Variants in SLIT3 observed in about 807,000 individuals in gnomAD.
SLIT3 encodes the protein slit homolog 3 protein.
In SLIT3, 68 loss-of-function variants were observed where a neutral mutation model predicts 184.0. The observed-to-expected ratio is 0.37, with a 90% CI of 0.30 to 0.45. SLIT3 has a LOEUF of 0.45. SLIT3 is among the 20% of genes least tolerant of loss of function. The pLI, the probability that SLIT3 is intolerant of heterozygous loss-of-function variation, is 1.00. For missense variants in SLIT3, 1,707 were observed against 2,026.0 expected, an observed-to-expected ratio of 0.84 and a Z score of 3.02; for synonymous variants, 831 against 828.6, an observed-to-expected ratio of 1.00 and a Z score of -0.05.
intron 4 of SLIT3, among the ~76,000 whole-genome samples, chr5:169,112,838 G>A (rs1325968285): frequency 6.6e-6 from 1 of 152,082 alleles, no homozygotes; most frequent in Non-Finnish European, 1.5e-5. Flanking sequence ...GTTCCCAAAA[G>A]CCACAGCTTC....
At chr5:168,988,464 C>G (rs929264388) in intron 4 of SLIT3, among the ~76,000 whole-genome samples, 6 of 152,048 alleles carry the variant, frequency 3.9e-5, no homozygotes, top group African/African-American at 1.4e-4. Flanking sequence ...AGGGAAGGAC[C>G]CAGATCCTTG....
intron 4 of SLIT3, among the ~76,000 whole-genome samples, chr5:169,156,358 T>C (rs182313598): frequency 1.1e-3 from 168 of 152,356 alleles, no homozygotes; most frequent in African/African-American, 3.8e-3. Flanking sequence ...ACATCCTCTT[T>C]AATGCCCTTT....
At chr5:168,760,996 C>G (rs1048186217) in intron 15 of SLIT3, 60 bp from the exon 16 acceptor site, 4 of 1,289,560 alleles carry the variant, frequency 3.1e-6, no homozygotes, top group Middle Eastern at 2.0e-4. Flanking sequence ...CCTTCCACCC[C>G]CCATGGCTTT....
chr5:168,814,196 G>T (rs958035598), intron 8 of SLIT3, among the ~76,000 whole-genome samples: 1 of 152,090 alleles, frequency 6.6e-6, no homozygotes, highest in African/African-American at 2.4e-5. Flanking sequence ...AGGGGTTTGA[G>T]ACCAGCCTGG....
intron 9 of SLIT3, among the ~76,000 whole-genome samples, chr5:168,799,443 C>T (rs1027692242): frequency 2.0e-5 from 3 of 152,154 alleles, no homozygotes; most frequent in East Asian, 1.9e-4. Flanking sequence ...AGTGTCTTCC[C>T]GCACCAGCAA....
intron 3 of SLIT3, among the ~76,000 whole-genome samples, chr5:169,221,855 G>A: frequency 6.6e-6 from 1 of 152,180 alleles, no homozygotes; most frequent in East Asian, 1.9e-4. Flanking sequence ...AGACAGTCAA[G>A]GTTGCAGAGA....
rs147933145 is a variant in SLIT3, at chr5:169,075,727, A to T, written c.413+117752T>A. Among the ~76,000 whole-genome samples, 347 of 152,340 alleles carry T rather than the reference A, an allele frequency of 2.3e-3. 2 individuals carry two copies. The highest frequency in any genetic ancestry group is 7.6e-3 in the African/African-American group (317 of 41,568). On this transcript the variant is annotated intron_variant, in intron 4 of 35. Transcript: ENST00000519560. Reference sequence around the variant, plus strand: ...ATGAACCACAGCACACTCTTCAGAGAATTCCCATTGCCTTTCATGCAAAAT... The same window carrying T: ...ATGAACCACAGCACACTCTTCAGAGTATTCCCATTGCCTTTCATGCAAAAT...
chr5:169,264,765 A>AT (rs1766334203), intron 1 of SLIT3, among the ~76,000 whole-genome samples: 1 of 152,124 alleles, frequency 6.6e-6, no homozygotes, highest in Admixed American at 6.5e-5. Flanking sequence ...AACTATTCTG[A>AT]TTTTTGCACT....
chr5:168,839,177 A>C (rs1758156008), intron 6 of SLIT3, among the ~76,000 whole-genome samples: 1 of 152,134 alleles, frequency 6.6e-6, no homozygotes, highest in South Asian at 2.1e-4. Flanking sequence ...TGGACTCCAC[A>C]TCACTAAGCT....
chr5:168,954,218 A>G (rs1320123102), intron 4 of SLIT3, among the ~76,000 whole-genome samples: 3 of 152,166 alleles, frequency 2.0e-5, no homozygotes, highest in African/African-American at 7.2e-5. Flanking sequence ...CCACTTAGCG[A>G]CAAACTGGGA....
rs1762450339 is a variant in SLIT3, at chr5:168,708,643, C to T, written c.2720-543G>A. 2.5e-5 allele frequency: 4 copies of T among 162,068 alleles called. No individual in the cohort carries two copies. In the South Asian group the frequency reaches 6.9e-4, roughly 28 times the overall value. 10.0% of individuals were successfully genotyped at this position (162,068 alleles called of 1,614,324 possible). On this transcript the variant is annotated intron_variant, in intron 25 of 35. Transcript: ENST00000519560. Reference sequence around the variant, plus strand: ...GATGCTGACAATGGACAGAAAACTGCTCAGGTACATGTTACGTCTGTGACC... The same window carrying T: ...GATGCTGACAATGGACAGAAAACTGTTCAGGTACATGTTACGTCTGTGACC...
intron 4 of SLIT3, among the ~76,000 whole-genome samples, chr5:169,168,501 A>C (rs1762714666): frequency 6.6e-6 from 1 of 152,200 alleles, no homozygotes; most frequent in Non-Finnish European, 1.5e-5. Context: ...GACAGTGTTA[A>C]TTAAATGCTG....
At chr5:169,146,693 G>A (rs1296843113) in intron 4 of SLIT3, among the ~76,000 whole-genome samples, 1 of 152,154 alleles carries the variant, frequency 6.6e-6, no homozygotes, top group Non-Finnish European at 1.5e-5. Context: ...GTTGACACCT[G>A]TGCCAAACAC....
chr5:168,941,397 C>T (rs1220503780), intron 4 of SLIT3, among the ~76,000 whole-genome samples: 4 of 152,096 alleles, frequency 2.6e-5, no homozygotes, highest in Admixed American at 6.6e-5. Context: ...CAGCATCTAA[C>T]GGGGTAAAAC....
At chr5:169,263,812 CA>C (rs1766295390) in intron 1 of SLIT3, 1 of 385,326 alleles carries the variant, frequency 2.6e-6, no homozygotes, top group African/African-American at 2.2e-5. Context: ...GGTCTTTCAT[CA>C]CGTTGCCTTG....
intron 4 of SLIT3, among the ~76,000 whole-genome samples, chr5:169,144,124 A>C (rs1022936233): frequency 5.3e-5 from 8 of 152,166 alleles, no homozygotes; most frequent in Non-Finnish European, 7.3e-5. Flanking sequence ...GAGGGCCATT[A>C]TGGTATCTCT....
In SLIT3 at chr5:168,844,813, G is replaced by A. The variant is rs190170573; in HGVS notation, c.486-158C>T. The A allele has an allele frequency of 3.1e-3, 1,904 of 619,482 alleles. 8 individuals are homozygous for A. Among genetic ancestry groups the A allele is most frequent in the Non-Finnish European group, 5.0e-3 (1,702 of 343,334 alleles). 38.4% of individuals were successfully genotyped at this position (619,482 alleles called of 1,614,324 possible). The stretch of plus-strand genomic sequence containing the variant: ...GCCAGCCTGTCTGCCACGCTGCTCC[G>A]TCTCTCCTCTCTGACTGTCTGAGAG... On this transcript the variant is annotated intron_variant, in intron 5 of 35. Transcript: ENST00000519560.
chr5:169,271,524 A>G (rs1041956411), intron 1 of SLIT3, among the ~76,000 whole-genome samples: 2 of 152,096 alleles, frequency 1.3e-5, no homozygotes, highest in African/African-American at 4.8e-5. Flanking sequence ...TGCACGGGGC[A>G]TTGCGAGGGG....
chr5:168,666,832 T>C, intron 35 of SLIT3, 143 bp from the exon 36 acceptor site: 1 of 1,326,190 alleles, frequency 7.5e-7, no homozygotes, highest in South Asian at 1.3e-5. Flanking sequence ...TACCCTCCCC[T>C]CCATCCACCC....
Sources: gnomAD v4.1 joint callset for allele counts (sites outside exome capture counted in the v4.1 genomes callset) on GRCh38, gnomAD v4.1.1 for gene constraint, MANE v1.5 for transcripts, NCBI Gene and HGNC (gene_info 2026-07-23, HGNC 2026-07-21) for gene names.